Variants in FAM90A20 observed in about 807,000 individuals in gnomAD.
The protein encoded by FAM90A20 is protein FAM90A20.
At chr8:7,297,287 C>G in the FAM90A20 span, 7 of 1,352,922 alleles carry the variant, frequency 5.2e-6, no homozygotes, top group South Asian at 4.7e-5. Context: ...GCACCAGGTC[C>G]ACGAGACTCT....
At chr8:7,296,830 C>G in the FAM90A20 span, among the ~76,000 whole-genome samples, 1 of 136,440 alleles carries the variant, frequency 7.3e-6, no homozygotes, top group South Asian at 2.2e-4. Flanking sequence ...AAGACGCAAT[C>G]TTTTGAACAA....
At chr8:7,296,700 G>A in the FAM90A20 span, among the ~76,000 whole-genome samples, 535 of 135,692 alleles carry the variant, frequency 3.9e-3, 168 homozygotes, top group African/African-American at 0.018. Flanking sequence ...CCAGGAACAT[G>A]CATGTGTTCA....
the FAM90A20 span, chr8:7,295,727 G>C: frequency 9.8e-7 from 1 of 1,020,232 alleles, no homozygotes; most frequent in Non-Finnish European, 1.5e-6. Context: ...AGCGACCTTG[G>C]GGAAAAAGGA....
the FAM90A20 span, chr8:7,296,267 C>T: frequency 1.4e-6 from 1 of 713,138 alleles, no homozygotes; most frequent in Non-Finnish European, 2.6e-6. Flanking sequence ...GGGGCACGGC[C>T]TGACCTTTTT....
At chr8:7,297,863 C>G in the FAM90A20 span, 31 of 824,370 alleles carry the variant, frequency 3.8e-5, 1 homozygote, top group East Asian at 6.7e-4. Flanking sequence ...CCTGGCGGCC[C>G]CCTCATTTCA....
At chr8:7,297,492 C>G in the FAM90A20 span, 7 of 1,530,796 alleles carry the variant, frequency 4.6e-6, no homozygotes, top group South Asian at 1.1e-5. Flanking sequence ...AGCTTTGGGT[C>G]AGGAGCCAAG....
chr8:7,297,732 C>G, the FAM90A20 span: 137 of 1,493,486 alleles, frequency 9.2e-5, 15 homozygotes, highest in South Asian at 1.3e-3. Flanking sequence ...CACCGCAGAC[C>G]TTGCCTGCCT....
the FAM90A20 span, chr8:7,297,103 G>C: frequency 2.7e-6 from 4 of 1,503,118 alleles, 1 homozygote; most frequent in Non-Finnish European, 3.6e-6. Flanking sequence ...CCTGTAAGAG[G>C]CCGCGCATGG....
At chr8:7,296,218 C>G in the FAM90A20 span, 3 of 664,684 alleles carry the variant, frequency 4.5e-6, 1 homozygote, top group Non-Finnish European at 8.2e-6. Flanking sequence ...TGGGGCTGGG[C>G]CCCAGACGGG....
At chr8:7,297,599 G>A in the FAM90A20 span, 9 of 1,482,772 alleles carry the variant, frequency 6.1e-6, 1 homozygote, top group Non-Finnish European at 8.2e-6. Flanking sequence ...CCAGGGAGGT[G>A]AGCTGGGGGC....
chr8:7,297,528 C>T, the FAM90A20 span: 3 of 1,517,800 alleles, frequency 2.0e-6, no homozygotes, highest in South Asian at 1.1e-5. Context: ...CCGATTCAGG[C>T]TTGCCTGAAC....
At chr8:7,297,731 C>T in the FAM90A20 span, 25 of 1,493,052 alleles carry the variant, frequency 1.7e-5, 7 homozygotes, top group African/African-American at 3.4e-4. Context: ...GCACCGCAGA[C>T]CTTGCCTGCC....
chr8:7,297,909 G>C, the FAM90A20 span: 1 of 729,404 alleles, frequency 1.4e-6, no homozygotes, highest in Non-Finnish European at 2.3e-6. Flanking sequence ...CTCGCTCAGA[G>C]CCCTCATGTG....
the FAM90A20 span, chr8:7,297,467 C>T: frequency 1.3e-6 from 2 of 1,547,240 alleles, no homozygotes; most frequent in East Asian, 2.2e-5. Context: ...CAGCTTGGGC[C>T]TAGGCTCCAA....
the FAM90A20 span, chr8:7,297,039 C>G: frequency 6.1e-6 from 9 of 1,473,044 alleles, no homozygotes; most frequent in South Asian, 3.6e-5. Flanking sequence ...AACTTCTAAC[C>G]TGTGTTGTTT....
the FAM90A20 span, chr8:7,297,234 G>A: frequency 6.6e-7 from 1 of 1,504,536 alleles, no homozygotes; most frequent in Non-Finnish European, 9.0e-7. Flanking sequence ...CCAAAGGAAA[G>A]ACAGACAGGG....
At chr8:7,297,731 C>G in the FAM90A20 span, 9 of 1,492,990 alleles carry the variant, frequency 6.0e-6, 3 homozygotes, top group African/African-American at 1.4e-4. Flanking sequence ...GCACCGCAGA[C>G]CTTGCCTGCC....
chr8:7,297,234 G>T, the FAM90A20 span: 7 of 1,504,536 alleles, frequency 4.7e-6, no homozygotes, highest in Admixed American at 5.1e-5. Flanking sequence ...CCAAAGGAAA[G>T]ACAGACAGGG....
the FAM90A20 span, among the ~76,000 whole-genome samples, chr8:7,295,458 T>G: frequency 9.2e-6 from 1 of 108,326 alleles, no homozygotes; most frequent in African/African-American, 6.5e-5. Flanking sequence ...CACACGGGCT[T>G]TGCGAGGGAA....
Sources: gnomAD v4.1 joint callset for allele counts (sites outside exome capture counted in the v4.1 genomes callset) on GRCh38, gnomAD v4.1.1 for gene constraint, MANE v1.5 for transcripts, NCBI Gene and HGNC (gene_info 2026-07-23, HGNC 2026-07-21) for gene names.